DISC1: variants seen among roughly 807,000 people sequenced by gnomAD.
DISC1 encodes the protein DISC1 scaffold protein, also known as disrupted in schizophrenia 1 protein.
DISC1 carries 57 observed loss-of-function variants against 84.5 expected under a neutral mutation model. The ratio of observed to expected loss-of-function variants is 0.67; its 90% CI spans 0.55 to 0.84. DISC1 has a LOEUF of 0.84. Among genes scored for constraint, DISC1 ranks in the 40% least tolerant of loss-of-function variants. DISC1 has a pLI of 0.00. For missense variants in DISC1, 1,000 were observed against 1,057.8 expected (o/e 0.95, Z 0.76); for synonymous variants, 411 against 415.2 (o/e 0.99, Z 0.12).
intron 10 of DISC1, among the ~76,000 whole-genome samples, chr1:231,968,092 C>A (rs1427005194): frequency 6.6e-6 from 1 of 152,088 alleles, no homozygotes; most frequent in East Asian, 1.9e-4. Context: ...CTGCATTGGC[C>A]TATTGGTCAT....
intron 9 of DISC1, among the ~76,000 whole-genome samples, chr1:231,875,216 A>G (rs1178475094): frequency 6.6e-6 from 1 of 152,148 alleles, no homozygotes; most frequent in African/African-American, 2.4e-5. Context: ...CCAGGATGCT[A>G]TGGTCAGTGA....
At chr1:232,034,092 G>T (rs16856303) in intron 12 of DISC1, among the ~76,000 whole-genome samples, 1 of 152,030 alleles carries the variant, frequency 6.6e-6, no homozygotes, top group Non-Finnish European at 1.5e-5. Context: ...CTACAGGCAG[G>T]TTGGTTAGAG....
At position 231,690,825 on chromosome 1, in the gene DISC1, A is replaced by G. The variant is rs566701135; in HGVS notation, c.68-3001A>G. ...ATCTGCCCTCTGCCCTCTGAGGGTT[A>G]GGATTCATAGTGTGTGACAGTCTTT... On this transcript the variant is annotated intron_variant, in intron 1 of 12. Transcript: ENST00000439617. Among the ~76,000 whole-genome samples the G allele has an allele frequency of 2.6e-5, 4 of 152,232 alleles. No homozygotes were observed. In the South Asian group the frequency reaches 8.3e-4, roughly 32 times the overall value.
chr1:231,683,705 C>A (rs770834538), intron 1 of DISC1, among the ~76,000 whole-genome samples: 1 of 151,678 alleles, frequency 6.6e-6, no homozygotes, highest in Admixed American at 6.6e-5. Context: ...CCTTCTTAGG[C>A]GGTCTCATTT....
At position 231,874,418 on chromosome 1, in the gene DISC1, C is replaced by T. The variant is rs556784239; in HGVS notation, c.1981+55901C>T. 4.6e-5 allele frequency among the ~76,000 whole-genome samples: 7 copies of T among 151,866 alleles called. No individual in the cohort carries two copies. In the South Asian group the frequency reaches 8.3e-4, roughly 18 times the overall value. On this transcript the variant is annotated intron_variant, in intron 9 of 12. Coordinates refer to ENST00000439617, the MANE Select transcript of DISC1 (RefSeq NM_018662.3). ...TCCTGATCTGCCCACCTCGGCCTCT[C>T]AAAATGCTGAGATTATAGGTGTGAG...
intron 9 of DISC1, among the ~76,000 whole-genome samples, chr1:231,896,004 C>T (rs1367358484): frequency 6.6e-6 from 1 of 152,162 alleles, no homozygotes; most frequent in Non-Finnish European, 1.5e-5. Flanking sequence ...TGGGGTTTCT[C>T]TAGCATCATA....
At chr1:231,866,497 A>G (rs1404090109) in intron 9 of DISC1, 2 of 789,852 alleles carry the variant, frequency 2.5e-6, no homozygotes, top group Non-Finnish European at 4.7e-6. Flanking sequence ...GAAGTCCTTA[A>G]TATTTAATGT....
intron 9 of DISC1, among the ~76,000 whole-genome samples, chr1:231,843,113 G>A (rs905231323): frequency 3.9e-5 from 6 of 152,012 alleles, no homozygotes; most frequent in African/African-American, 1.2e-4. Context: ...ATGATGGGGG[G>A]GTATGAAAAG....
chr1:232,024,453 A>T (rs990217088), intron 11 of DISC1, among the ~76,000 whole-genome samples: 6 of 152,236 alleles, frequency 3.9e-5, no homozygotes, highest in African/African-American at 1.4e-4. Context: ...TTATAATATT[A>T]TATAATGCAT....
At chr1:231,957,724 G>A (rs1659762529) in intron 9 of DISC1, among the ~76,000 whole-genome samples, 1 of 152,128 alleles carries the variant, frequency 6.6e-6, no homozygotes, top group African/African-American at 2.4e-5. Flanking sequence ...ATCTTTTATG[G>A]ACTAATGAAC....
intron 9 of DISC1, among the ~76,000 whole-genome samples, chr1:231,830,776 A>G (rs1448250733): frequency 1.3e-5 from 2 of 152,198 alleles, no homozygotes; most frequent in Non-Finnish European, 2.9e-5. Flanking sequence ...GACAGGCCTG[A>G]ATTCTGAGAA....
rs189294838 is a variant in DISC1 at position 231,833,297 on chromosome 1, T to C, written c.1981+14780T>C. Among the ~76,000 whole-genome samples the C allele has an allele frequency of 1.4e-3, 212 of 151,426 alleles. 2 individuals carry two copies. The highest frequency in any genetic ancestry group is 2.7e-3 in the African/African-American group (111 of 40,866). On this transcript the variant is annotated intron_variant, in intron 9 of 12. Transcript: ENST00000439617. ...GTTTAGAAGCCTGGCCGTCAATATC[T>C]ACAACAGTTATGGAGGCAAGGGAAA...
chr1:231,802,152 T>A lies in DISC1; in HGVS notation c.1792+1942T>A, dbSNP rs114955039. 3.8e-3 allele frequency among the ~76,000 whole-genome samples: 571 copies of A among 152,228 alleles called. 5 individuals carry two copies. The highest frequency in any genetic ancestry group is 0.013 in the African/African-American group (550 of 41,528). On this transcript the variant is annotated intron_variant, in intron 8 of 12. Coordinates refer to ENST00000439617, the MANE Select transcript of DISC1 (RefSeq NM_018662.3). ...AGTTTCTATGATTCGCTTAGATTTA[T>A]AGACTGATTGATATGGTTTGGCTCT...
intron 9 of DISC1, among the ~76,000 whole-genome samples, chr1:231,898,986 A>AC (rs1002753973): frequency 2.6e-5 from 4 of 151,952 alleles, no homozygotes; most frequent in African/African-American, 9.7e-5. Context: ...CAAAAAACAA[A>AC]AAAAAAAGAA....
Position 231,694,648 on chromosome 1 carries a change from T to C in DISC1, c.890T>C (p.Met297Thr), listed in dbSNP as rs1373779016. The change falls in exon 2 of 13, where the codon ATG becomes ACG. Residue 297 changes from methionine (M) to threonine (T), a missense_variant. Physicochemically the swap from Met to Thr is moderately conservative, Grantham distance 81 (BLOSUM62 -1). Around this residue, in one of 3 missense-constraint regions of DISC1, gnomAD observed 311 missense variants for 400.1 expected, o/e 0.78. Coordinates refer to ENST00000439617, the MANE Select transcript of DISC1 (RefSeq NM_018662.3). ...PERDMHSLPD[M>T]DPGSSSSLDP... Reference sequence around the variant, plus strand: ...CGTGACATGCATTCTTTACCAGACATGGACCCTGGCTCCTCCAGTTCTCTG... The same window carrying C: ...CGTGACATGCATTCTTTACCAGACACGGACCCTGGCTCCTCCAGTTCTCTG... 1 of 1,614,242 alleles carries C rather than the reference T, an allele frequency of 6.2e-7. No individual in the cohort carries two copies. The highest frequency in any genetic ancestry group is 8.5e-7 in the Non-Finnish European group (1 of 1,180,036).
chr1:231,904,178 T>C (rs911503727), intron 9 of DISC1, among the ~76,000 whole-genome samples: 2 of 152,226 alleles, frequency 1.3e-5, no homozygotes, highest in Non-Finnish European at 2.9e-5. Flanking sequence ...TTGCTCATCC[T>C]GTGGGTGCAG....
chr1:231,780,545 C>A (rs1434461783), intron 6 of DISC1, among the ~76,000 whole-genome samples: 1 of 136,176 alleles, frequency 7.3e-6, no homozygotes, highest in Admixed American at 7.6e-5. Context: ...AATAGGAACA[C>A]TTTTACACTG....
At chr1:231,946,928 T>G (rs1657343164) in intron 9 of DISC1, among the ~76,000 whole-genome samples, 1 of 152,142 alleles carries the variant, frequency 6.6e-6, no homozygotes, top group African/African-American at 2.4e-5. Context: ...CAAGGAAAAC[T>G]ACAAACCACT....
intron 9 of DISC1, among the ~76,000 whole-genome samples, chr1:231,881,343 C>T (rs927476054): frequency 3.3e-5 from 5 of 152,188 alleles, no homozygotes; most frequent in African/African-American, 1.2e-4. Flanking sequence ...GGCAAGATTG[C>T]AGAGCTCTAG....
Sources: gnomAD v4.1 joint callset for allele counts (sites outside exome capture counted in the v4.1 genomes callset) on GRCh38, gnomAD v4.1.1 for gene constraint, gnomAD v4.1.1 regional missense constraint, MANE v1.5 for transcripts, NCBI Gene and HGNC (gene_info 2026-07-23, HGNC 2026-07-21) for gene names.